The following DLG2 variants were observed in gnomAD, a reference collection of about 807,000 sequenced individuals.
DLG2 encodes disks large homolog 2.
A neutral mutation model predicts 132.5 loss-of-function variants in DLG2; 45 were observed. The observed-to-expected ratio is 0.34, with a 90% CI of 0.27 to 0.44. The LOEUF (loss-of-function observed/expected upper bound fraction) is 0.44. DLG2 is among the 20% of genes least tolerant of loss of function. The pLI is 1.00. For missense variants in DLG2, 1,045 were observed against 1,196.9 expected, an observed-to-expected ratio of 0.87 and a Z score of 1.87; for synonymous variants, 424 against 419.6, an observed-to-expected ratio of 1.01 and a Z score of -0.13.
chr11:85,408,569 C>T (rs1202743420), intron 3 of DLG2, among the ~76,000 whole-genome samples: 1 of 136,298 alleles, frequency 7.3e-6, no homozygotes, highest in Non-Finnish European at 1.6e-5. Flanking sequence ...ACAGCAGTCC[C>T]CAGAGTATGA....
chr11:83,467,794 TATATATATATATATATAC>T (rs1177919641), intron 25 of DLG2, among the ~76,000 whole-genome samples: 1 of 104,894 alleles, frequency 9.5e-6, no homozygotes, highest in Non-Finnish European at 1.9e-5. Flanking sequence ...TATATATATA[TATATATATATATATATAC>T]ACACACACAT....
intron 16 of DLG2, among the ~76,000 whole-genome samples, chr11:83,837,198 G>A (rs975513878): frequency 1.3e-5 from 2 of 152,112 alleles, no homozygotes; most frequent in Non-Finnish European, 2.9e-5. Context: ...GTGCAGGGGT[G>A]GAAGTTAAGC....
chr11:85,262,452 T>C (rs1482148997), intron 4 of DLG2, among the ~76,000 whole-genome samples: 1 of 151,946 alleles, frequency 6.6e-6, no homozygotes, highest in East Asian at 1.9e-4. Context: ...TTATTGGAGG[T>C]CTGAAGAAAC....
At chr11:85,348,285 C>T (rs1048787275) in intron 3 of DLG2, among the ~76,000 whole-genome samples, 7 of 151,354 alleles carry the variant, frequency 4.6e-5, no homozygotes, top group Admixed American at 2.0e-4. Context: ...TGAAGTGGCA[C>T]GATCTCAGCT....
intron 15 of DLG2, among the ~76,000 whole-genome samples, chr11:83,902,287 G>T (rs1228309475): frequency 6.6e-6 from 1 of 152,088 alleles, no homozygotes; most frequent in Non-Finnish European, 1.5e-5. Context: ...TGATTCTGTA[G>T]TACCCACCAC....
At chr11:84,902,602 G>A (rs921284610) in intron 6 of DLG2, among the ~76,000 whole-genome samples, 1 of 152,036 alleles carries the variant, frequency 6.6e-6, no homozygotes, top group Non-Finnish European at 1.5e-5. Flanking sequence ...AGTTGCCCTG[G>A]GAAATGTTAT....
chr11:83,678,827 G>A (rs901331819), intron 18 of DLG2, among the ~76,000 whole-genome samples: 13 of 152,206 alleles, frequency 8.5e-5, no homozygotes, highest in South Asian at 4.1e-4. Flanking sequence ...GTAGATTTAC[G>A]AACTTTTTAT....
intron 7 of DLG2, among the ~76,000 whole-genome samples, chr11:84,305,519 T>C (rs770898245): frequency 9.9e-5 from 15 of 152,166 alleles, no homozygotes; most frequent in Non-Finnish European, 2.1e-4. Flanking sequence ...AAATGTGTCA[T>C]TCTTGCAGAT....
In DLG2 at chr11:83,480,616, G is replaced by T. The variant is rs1482997171; in HGVS notation, c.2293+3513C>A. 1.9e-6 allele frequency: 3 copies of T among 1,557,258 alleles called. No homozygotes were observed. The East Asian group carries it at 7.1e-5, about 37-fold the overall frequency. On this transcript the variant is annotated intron_variant, in intron 22 of 27. Transcript: ENST00000376104. ...TTTTACAGGAACCCGCTGCTTGATT[G>T]CTGTTTCTTCTTTTTAGCAAATGAA... is the stretch of plus-strand genomic sequence containing the variant.
At chr11:84,106,980 G>GGT (rs2092994825) in intron 9 of DLG2, among the ~76,000 whole-genome samples, 1 of 104,944 alleles carries the variant, frequency 9.5e-6, no homozygotes, top group Admixed American at 9.2e-5. Flanking sequence ...TAGCCTTAGG[G>GGT]TGTGTGTGTG....
At chr11:83,486,376 A>G (rs1396938679) in intron 21 of DLG2, 16 of 570,802 alleles carry the variant, frequency 2.8e-5, no homozygotes, top group South Asian at 2.2e-4. Context: ...ACACATTTTC[A>G]TGCAAATACA....
intron 4 of DLG2, among the ~76,000 whole-genome samples, chr11:85,238,589 C>A (rs901757198): frequency 6.6e-5 from 10 of 152,160 alleles, no homozygotes; most frequent in African/African-American, 2.4e-4. Flanking sequence ...AATTATCAAA[C>A]CATCCTTTGC....
intron 11 of DLG2, among the ~76,000 whole-genome samples, chr11:84,000,740 A>G (rs1459209263): frequency 2.0e-5 from 3 of 152,148 alleles, no homozygotes; most frequent in African/African-American, 7.2e-5. Flanking sequence ...CTGCCAGCCA[A>G]TGATACTATG....
intron 12 of DLG2, among the ~76,000 whole-genome samples, chr11:83,968,855 A>G (rs1488384945): frequency 6.6e-6 from 1 of 152,168 alleles, no homozygotes; most frequent in Non-Finnish European, 1.5e-5. Flanking sequence ...AATAATACAC[A>G]ATTGTTTGTG....
At chr11:85,348,951 G>A (rs1050030364) in intron 3 of DLG2, among the ~76,000 whole-genome samples, 1 of 152,018 alleles carries the variant, frequency 6.6e-6, no homozygotes, top group African/African-American at 2.4e-5. Flanking sequence ...AAAAATCATT[G>A]AGTTGCTCAT....
chr11:83,690,712 C>T (rs2080841627), intron 18 of DLG2, among the ~76,000 whole-genome samples: 1 of 151,922 alleles, frequency 6.6e-6, no homozygotes, highest in Admixed American at 6.6e-5. Flanking sequence ...CAAACCATGG[C>T]CTGCAGGCAA....
At chr11:85,201,138 C>T (rs773116077) in intron 4 of DLG2, among the ~76,000 whole-genome samples, 2 of 152,210 alleles carry the variant, frequency 1.3e-5, no homozygotes, top group Non-Finnish European at 2.9e-5. Flanking sequence ...CCCTCTTAGC[C>T]AACAAGACCA....
intron 6 of DLG2, among the ~76,000 whole-genome samples, chr11:85,064,503 A>G (rs573363903): frequency 6.6e-6 from 1 of 151,840 alleles, no homozygotes; most frequent in Middle Eastern, 3.4e-3. Flanking sequence ...AAACAAATCA[A>G]TCTAATATAC....
At chr11:85,267,880 T>TTG (rs1441459289) in intron 4 of DLG2, among the ~76,000 whole-genome samples, 16 of 76,066 alleles carry the variant, frequency 2.1e-4, no homozygotes, top group African/African-American at 5.0e-4. Context: ...GTGATGACTT[T>TTG]TGTATGTGTG....
Sources: allele counts gnomAD v4.1 joint callset (sites outside exome capture counted in the v4.1 genomes callset), GRCh38; gene constraint gnomAD v4.1.1; transcripts MANE v1.5; gene names NCBI Gene and HGNC (gene_info 2026-07-23, HGNC 2026-07-21).